Variants in WDR27 observed in about 807,000 individuals in gnomAD.
The protein encoded by WDR27 is WD repeat domain 27, also known as WD repeat-containing protein 27.
WDR27 carries 100 observed loss-of-function variants against 114.4 expected under a neutral mutation model. That is an observed-to-expected ratio of 0.87 (90% CI 0.74 to 1.03). The LOEUF (loss-of-function observed/expected upper bound fraction) is 1.03. Among genes scored for constraint, WDR27 ranks in the 50% least tolerant of loss-of-function variants. The probability of loss-of-function intolerance (pLI) is 0.00; values close to 1 mark genes in which losing one functional copy is unlikely to be tolerated. For synonymous variants in WDR27, 449 were observed against 423.1 expected (o/e 1.06, Z -0.75); for missense variants, 1,129 against 1,092.9 (o/e 1.03, Z -0.47).
intron 2 of WDR27, among the ~76,000 whole-genome samples, chr6:169,679,021 T>C (rs1736721290): frequency 6.6e-6 from 1 of 152,212 alleles, no homozygotes; most frequent in African/African-American, 2.4e-5. Context: ...ATCCTTTAGC[T>C]TAACCTGAAC....
chr6:169,552,191 T>C (rs1798237598), intron 25 of WDR27, among the ~76,000 whole-genome samples: 1 of 152,106 alleles, frequency 6.6e-6, no homozygotes, highest in African/African-American at 2.4e-5. Flanking sequence ...CCGGCAGTCA[T>C]GCAGCCCACC....
intron 24 of WDR27, among the ~76,000 whole-genome samples, chr6:169,577,856 C>T (rs1802689145): frequency 6.6e-6 from 1 of 152,182 alleles, no homozygotes; most frequent in Non-Finnish European, 1.5e-5. Flanking sequence ...CTGTACCCTC[C>T]AACTCTTACC....
At position 169,457,564 on chromosome 6, in the gene WDR27, C is replaced by A; in HGVS notation, c.*28G>T. ...AGTTGTTCCTCACAGCATTCCTGGACCCAGCTCACAGGTCAGTGGTTACTC... is the reference window on the plus strand; with the variant it reads ...AGTTGTTCCTCACAGCATTCCTGGAACCAGCTCACAGGTCAGTGGTTACTC... On this transcript the variant is annotated 3_prime_UTR_variant, in exon 26 of 26. Coordinates refer to ENST00000448612, the MANE Select transcript of WDR27 (RefSeq NM_182552.5). 1 of 1,545,382 alleles carries A rather than the reference C, an allele frequency of 6.5e-7. No homozygotes were observed. The highest frequency in any genetic ancestry group is 8.7e-7 in the Non-Finnish European group (1 of 1,143,574).
chr6:169,614,177 T>C (rs1811277153), intron 21 of WDR27, among the ~76,000 whole-genome samples: 1 of 152,168 alleles, frequency 6.6e-6, no homozygotes, highest in East Asian at 1.9e-4. Flanking sequence ...GAAGCAATTC[T>C]CACTAAGTGG....
intron 25 of WDR27, among the ~76,000 whole-genome samples, chr6:169,543,279 T>C (rs950890406): frequency 2.0e-5 from 3 of 152,036 alleles, no homozygotes; most frequent in Non-Finnish European, 2.9e-5. Context: ...ACTCAGCACA[T>C]AGGCAAAGTT....
downstream of WDR27, among the ~76,000 whole-genome samples, chr6:169,452,779 T>C (rs2115229291): frequency 6.6e-6 from 1 of 152,380 alleles, no homozygotes; most frequent in Non-Finnish European, 1.5e-5. Context: ...TTGCCAAATC[T>C]TGCATTTCAG....
At chr6:169,547,043 T>C (rs145249352) in intron 25 of WDR27, among the ~76,000 whole-genome samples, 36 of 152,274 alleles carry the variant, frequency 2.4e-4, no homozygotes, top group African/African-American at 8.2e-4. Flanking sequence ...AAAAGAATTC[T>C]ATAAACAACT....
chr6:169,624,909 C>G (rs1237077594), intron 21 of WDR27, among the ~76,000 whole-genome samples: 1 of 152,220 alleles, frequency 6.6e-6, no homozygotes, highest in Non-Finnish European at 1.5e-5. Flanking sequence ...ATGGAGAGTA[C>G]AAGAGCAGCC....
At chr6:169,624,345 G>A (rs901030120) in intron 21 of WDR27, among the ~76,000 whole-genome samples, 3 of 152,180 alleles carry the variant, frequency 2.0e-5, no homozygotes, top group South Asian at 4.1e-4. Context: ...CTCTGGATCC[G>A]AGGACAAAGA....
Position 169,667,835 on chromosome 6 carries a change from T to C in WDR27, c.660+147A>G. 3 of 778,992 alleles carry C rather than the reference T, an allele frequency of 3.9e-6. No homozygotes were observed. The South Asian group carries it at 5.8e-5, about 15-fold the overall frequency. The allele number at this position is 778,992 out of a possible 1,614,324, so 48.3% of individuals were successfully genotyped here. On this transcript the variant is annotated intron_variant, in intron 5 of 25. Transcript: ENST00000448612. ...TCCGGGCTTGGCGTTTCTGTGGAAA[T>C]CAGGATAGCGGGCGCCTTGCAGAAG... is the stretch of plus-strand genomic sequence containing the variant.
intron 19 of WDR27, among the ~76,000 whole-genome samples, chr6:169,635,006 G>A (rs964148920): frequency 2.6e-5 from 4 of 152,192 alleles, no homozygotes; most frequent in Non-Finnish European, 5.9e-5. Context: ...AGGGGCAAAG[G>A]GCTGTGCCAG....
chr6:169,542,734 G>A (rs1796979165), intron 25 of WDR27, among the ~76,000 whole-genome samples: 1 of 151,856 alleles, frequency 6.6e-6, no homozygotes, highest in African/African-American at 2.4e-5. Context: ...AGGCATAAAG[G>A]GAATCATATT....
intron 25 of WDR27, among the ~76,000 whole-genome samples, chr6:169,459,174 T>A (rs1784624084): frequency 6.6e-6 from 1 of 152,180 alleles, no homozygotes; most frequent in Non-Finnish European, 1.5e-5. Context: ...TTAAAACAAT[T>A]GTTTTCAATT....
At chr6:169,614,927 T>G (rs1045595998) in intron 21 of WDR27, among the ~76,000 whole-genome samples, 9 of 152,020 alleles carry the variant, frequency 5.9e-5, no homozygotes, top group African/African-American at 1.9e-4. Context: ...CAATTGCTAG[T>G]ATATGTAGGC....
intron 6 of WDR27, chr6:169,666,567 CG>C: frequency 1.0e-6 from 1 of 985,544 alleles, no homozygotes; most frequent in Non-Finnish European, 1.2e-6. Context: ...GGTGCTGGGG[CG>C]TCACAGACCG....
chr6:169,495,408 C>A (rs994544456), intron 25 of WDR27, among the ~76,000 whole-genome samples: 2 of 151,522 alleles, frequency 1.3e-5, no homozygotes, highest in Non-Finnish European at 2.9e-5. Context: ...TAAAAGTAAA[C>A]TAAATCCAGG....
chr6:169,526,158 C>T (rs997075137), intron 25 of WDR27, among the ~76,000 whole-genome samples: 4 of 152,138 alleles, frequency 2.6e-5, no homozygotes, highest in Non-Finnish European at 5.9e-5. Flanking sequence ...AGACCTAGTG[C>T]TGGACAGGGC....
At chr6:169,571,593 C>T (rs1158018218) in intron 25 of WDR27, among the ~76,000 whole-genome samples, 8 of 152,192 alleles carry the variant, frequency 5.3e-5, no homozygotes, top group South Asian at 2.1e-4. Context: ...TTTGGGAAGC[C>T]GAGGCAGGAG....
In WDR27 at chr6:169,643,649, G is replaced by A. The variant is rs1369255837; in HGVS notation, c.1747+48C>T. On this transcript the variant is annotated intron_variant, in intron 17 of 25. Coordinates refer to ENST00000448612, the MANE Select transcript of WDR27 (RefSeq NM_182552.5). ...AGCAACTGATAACCAGGACCTAAGTGAGACCCATCCTTAAGTTCATACTGA... is the reference window on the plus strand; with the variant it reads ...AGCAACTGATAACCAGGACCTAAGTAAGACCCATCCTTAAGTTCATACTGA... 9.2e-6 allele frequency: 14 copies of A among 1,520,020 alleles called. No individual in the cohort carries two copies. The African/African-American group carries it at 1.4e-4, about 15-fold the overall frequency. The allele number at this position is 1,520,020 out of a possible 1,614,324, so 94.2% of individuals were successfully genotyped here. A position where few individuals can be genotyped will look rare whatever the true frequency, so the allele number is the denominator to read the frequency against.
Sources: gnomAD v4.1 joint callset for allele counts (sites outside exome capture counted in the v4.1 genomes callset) on GRCh38, gnomAD v4.1.1 for gene constraint, MANE v1.5 for transcripts, NCBI Gene and HGNC (gene_info 2026-07-23, HGNC 2026-07-21) for gene names.